Variants in COLEC10 observed in about 807,000 individuals in gnomAD.
The protein encoded by COLEC10 is collectin-10.
COLEC10 carries 22 observed loss-of-function variants against 28.4 expected under a neutral mutation model. The ratio of observed to expected loss-of-function variants is 0.78; its 90% CI spans 0.55 to 1.11. COLEC10 has a LOEUF of 1.11. Among genes scored for constraint, COLEC10 ranks in the 50% least tolerant of loss-of-function variants. The probability of loss-of-function intolerance (pLI) is 0.00; values close to 1 mark genes in which losing one functional copy is unlikely to be tolerated. For missense variants in COLEC10, 361 were observed against 344.1 expected (o/e 1.05, Z -0.39); for synonymous variants, 125 against 116.1 (o/e 1.08, Z -0.49).
At chr8:119,040,946 G>A (rs1333517269) in intron 2 of COLEC10, among the ~76,000 whole-genome samples, 1 of 152,202 alleles carries the variant, frequency 6.6e-6, no homozygotes, top group Non-Finnish European at 1.5e-5. Context: ...AGACTATGAT[G>A]AGATCTAAAG....
rs1157424089 is a variant in COLEC10 at position 119,089,578 on chromosome 8, G to A, written c.149-102G>A. On this transcript the variant is annotated intron_variant, in intron 1 of 5. Transcript: ENST00000332843. Reference sequence around the variant, plus strand: ...ACAGCTGGATTGTGAGGCAAGCGCTGAGCTGAGGGAAAGATTGTAACCATG... The same window carrying A: ...ACAGCTGGATTGTGAGGCAAGCGCTAAGCTGAGGGAAAGATTGTAACCATG... 5 of 870,152 alleles carry A rather than the reference G, an allele frequency of 5.7e-6. No individual in the cohort carries two copies. In the Admixed American group the frequency reaches 1.0e-4, roughly 18 times the overall value. The allele number at this position is 870,152 out of a possible 1,614,324, so 53.9% of individuals were successfully genotyped here. A position where few individuals can be genotyped will look rare whatever the true frequency, so the allele number is the denominator to read the frequency against.
intron 1 of COLEC10, among the ~76,000 whole-genome samples, chr8:119,079,390 A>C (rs558066593): frequency 7.2e-5 from 11 of 152,274 alleles, no homozygotes; most frequent in African/African-American, 2.4e-4. Flanking sequence ...GACTTGAACC[A>C]AGCGCTTTGA....
chr8:118,953,365 G>A, the COLEC10 span, among the ~76,000 whole-genome samples: 1 of 152,110 alleles, frequency 6.6e-6, no homozygotes, highest in African/African-American at 2.4e-5. Flanking sequence ...ACTTGCCATG[G>A]GACTCAAGTC....
At chr8:119,051,002 G>A (rs1256400063) in intron 2 of COLEC10, among the ~76,000 whole-genome samples, 1 of 152,054 alleles carries the variant, frequency 6.6e-6, no homozygotes, top group Non-Finnish European at 1.5e-5. Flanking sequence ...AAAAGTGACT[G>A]ATTTTTTTAA....
the COLEC10 span, among the ~76,000 whole-genome samples, chr8:118,971,340 G>C: frequency 3.3e-5 from 5 of 151,888 alleles, no homozygotes; most frequent in Non-Finnish European, 5.9e-5. Flanking sequence ...TTGCTTTAAG[G>C]CATGACTCTC....
intron 1 of COLEC10, among the ~76,000 whole-genome samples, chr8:118,999,962 A>G (rs1813662216): frequency 6.6e-6 from 1 of 152,194 alleles, no homozygotes; most frequent in African/African-American, 2.4e-5. Flanking sequence ...GGCATGGGGT[A>G]TTTTTAAATG....
At chr8:118,966,881 G>A in the COLEC10 span, among the ~76,000 whole-genome samples, 1 of 152,054 alleles carries the variant, frequency 6.6e-6, no homozygotes, top group Non-Finnish European at 1.5e-5. Context: ...TAATTTCATA[G>A]CATCTGCTGT....
At chr8:119,027,607 GCTAATTCTCCAGCAAC>G (rs1814216492) in intron 2 of COLEC10, among the ~76,000 whole-genome samples, 1 of 152,084 alleles carries the variant, frequency 6.6e-6, no homozygotes, top group East Asian at 1.9e-4. Context: ...CTTATATGTA[GCTAATTCTCCAGCAAC>G]AGCTAATTAT....
chr8:119,106,077 C>T lies in COLEC10; in HGVS notation c.720C>T (p.Ser240=), dbSNP rs761419555. 6.3e-5 allele frequency: 101 copies of T among 1,613,766 alleles called. No individual in the cohort carries two copies. In the Admixed American group the frequency reaches 7.7e-4, roughly 12 times the overall value. Residue 240 remains serine (S), a synonymous_variant, in exon 6 of 6, where the codon AGC becomes AGT. Transcript: ENST00000332843. ...GCAACTGGAATGAGGGGGAACCCAG[C>T]GACCCCTATGGTCATGAGGACTGTG... The part of the protein sequence containing the change: ...NYSNWNEGEP[S]DPYGHEDCVE...
intron 2 of COLEC10, among the ~76,000 whole-genome samples, chr8:119,029,626 C>A (rs941772245): frequency 6.6e-6 from 1 of 152,106 alleles, no homozygotes; most frequent in African/African-American, 2.4e-5. Context: ...AAGTACCTCT[C>A]ATTGGGTCTA....
In COLEC10 at chr8:119,003,227, T is replaced by A. The variant is rs149940117; in HGVS notation, n.123-6214T>A. ...TCATACATCTTTTATGTCAGAGAAATTTAAGAGTGTACTCAATAAGAAAGC... is the reference window on the plus strand; with the variant it reads ...TCATACATCTTTTATGTCAGAGAAAATTAAGAGTGTACTCAATAAGAAAGC... On this transcript the variant is annotated intron_variant and non_coding_transcript_variant, in intron 1 of 6. Coordinates refer to the COLEC10 transcript ENST00000521788. 1.1e-4 allele frequency among the ~76,000 whole-genome samples: 16 copies of A among 152,240 alleles called. 1 individual carries two copies. The highest frequency in any genetic ancestry group is 3.8e-4 in the African/African-American group (16 of 41,568).
At chr8:119,068,786 T>C (rs1205422466) in intron 1 of COLEC10, 1 of 151,948 alleles carries the variant, frequency 6.6e-6, no homozygotes, top group Non-Finnish European at 1.5e-5. Flanking sequence ...ATGAAGTGAG[T>C]GATCCTGGGG....
chr8:119,018,938 C>T (rs1303713740), intron 2 of COLEC10, among the ~76,000 whole-genome samples: 1 of 152,172 alleles, frequency 6.6e-6, no homozygotes, highest in African/African-American at 2.4e-5. Flanking sequence ...TTGTTACCCT[C>T]TTTCTTCCAT....
intron 1 of COLEC10, among the ~76,000 whole-genome samples, chr8:118,997,511 C>A (rs1433064515): frequency 6.6e-6 from 1 of 152,146 alleles, no homozygotes; most frequent in Non-Finnish European, 1.5e-5. Flanking sequence ...GCACTTTAAT[C>A]CTCATGCTGA....
chr8:118,976,673 C>T, the COLEC10 span: 1 of 152,152 alleles, frequency 6.6e-6, no homozygotes, highest in Admixed American at 6.6e-5. Flanking sequence ...CATTACCATT[C>T]AGGACATAGG....
intron 2 of COLEC10, among the ~76,000 whole-genome samples, chr8:119,049,593 T>C (rs934234664): frequency 6.6e-6 from 1 of 151,908 alleles, no homozygotes; most frequent in African/African-American, 2.4e-5. Flanking sequence ...TTTTTGTATT[T>C]TTAGTAGAGA....
At chr8:119,070,963 G>A (rs1468643079) in intron 1 of COLEC10, among the ~76,000 whole-genome samples, 2 of 152,148 alleles carry the variant, frequency 1.3e-5, no homozygotes, top group Admixed American at 6.5e-5. Context: ...GGAAGTGCCC[G>A]AGTTCTTTCA....
At chr8:119,066,904 T>A (rs1814975111), upstream of COLEC10, among the ~76,000 whole-genome samples, 1 of 152,166 alleles carries the variant, frequency 6.6e-6, no homozygotes, top group Non-Finnish European at 1.5e-5. Context: ...ACTGAAGACC[T>A]CTCTGGTTCA....
chr8:118,963,447 A>T, the COLEC10 span, among the ~76,000 whole-genome samples: 1 of 152,182 alleles, frequency 6.6e-6, no homozygotes, highest in African/African-American at 2.4e-5. Flanking sequence ...ACCTAATTCC[A>T]GCTTCATTCA....
Sources: gnomAD v4.1 joint callset for allele counts (sites outside exome capture counted in the v4.1 genomes callset) on GRCh38, gnomAD v4.1.1 for gene constraint, MANE v1.5 for transcripts, NCBI Gene and HGNC (gene_info 2026-07-23, HGNC 2026-07-21) for gene names.